CDCA7L: variants seen among roughly 807,000 people sequenced by gnomAD.
CDCA7L encodes cell division cycle associated 7 like, also known as cell division cycle-associated 7-like protein.
Under a neutral mutation model 57.4 loss-of-function variants are expected in CDCA7L, and 44 were observed. That is an observed-to-expected ratio of 0.77 (90% confidence interval 0.60 to 0.98). The LOEUF (loss-of-function observed/expected upper bound fraction) is 0.98. Among genes scored for constraint, CDCA7L ranks in the 50% least tolerant of loss-of-function variants. The pLI, the probability that CDCA7L is intolerant of heterozygous loss-of-function variation, is 0.00. For missense variants in CDCA7L, 644 were observed against 580.6 expected, an observed-to-expected ratio of 1.11 and a Z score of -1.12; for synonymous variants, 236 against 202.8, an observed-to-expected ratio of 1.16 and a Z score of -1.39.
At chr7:21,929,885 A>G (rs928620649) in intron 1 of CDCA7L, among the ~76,000 whole-genome samples, 6 of 152,046 alleles carry the variant, frequency 3.9e-5, no homozygotes, top group East Asian at 1.9e-4. Context: ...AGACTTTAAC[A>G]CGCCACTGTC....
intron 8 of CDCA7L, 181 bp downstream of exon 8, chr7:21,903,929 T>A (rs991295536): frequency 2.0e-6 from 1 of 509,796 alleles, no homozygotes. Context: ...ACTGGTCAGC[T>A]TGCTCTCCTT....
At chr7:21,902,583 TTACATAAATGAAACTTG>T in intron 9 of CDCA7L, 2 of 447,486 alleles carry the variant, frequency 4.5e-6, no homozygotes, top group South Asian at 5.8e-5. Flanking sequence ...AGTTTATTAA[TTACATAAATGAAACTTG>T]TAACTCACAT....
chr7:21,930,251 T>C (rs1019542147), intron 1 of CDCA7L, among the ~76,000 whole-genome samples: 1 of 152,038 alleles, frequency 6.6e-6, no homozygotes, highest in Non-Finnish European at 1.5e-5. Context: ...CAGAAATAAA[T>C]AAGTTCTTTG....
intron 3 of CDCA7L, among the ~76,000 whole-genome samples, chr7:21,910,070 T>C (rs1262238919): frequency 6.6e-6 from 1 of 152,166 alleles, no homozygotes; most frequent in Non-Finnish European, 1.5e-5. Flanking sequence ...TCATGATCTA[T>C]GTAACTACAT....
intron 3 of CDCA7L, among the ~76,000 whole-genome samples, chr7:21,910,871 T>C (rs1042722067): frequency 6.6e-6 from 1 of 152,090 alleles, no homozygotes; most frequent in Non-Finnish European, 1.5e-5. Flanking sequence ...ACCAAGTTTG[T>C]ACCACAGCCA....
In CDCA7L at chr7:21,901,124, A is replaced by C; in HGVS notation, c.*1198T>G. 6.2e-7 allele frequency: 1 copy of C among 1,613,382 alleles called. No individual in the cohort carries two copies. The highest frequency in any genetic ancestry group is 8.5e-7 in the Non-Finnish European group (1 of 1,179,456). Reference sequence around the variant, plus strand: ...CCCGTGGACAGACAAGAAACCAAACAGACCTACGAGTGCCCTGTGTATAGA... The same window carrying C: ...CCCGTGGACAGACAAGAAACCAAACCGACCTACGAGTGCCCTGTGTATAGA... On this transcript the variant is annotated 3_prime_UTR_variant, in exon 10 of 10. Coordinates refer to ENST00000406877, the MANE Select transcript of CDCA7L (RefSeq NM_018719.5).
rs778954486 is a variant in CDCA7L, at chr7:21,901,229, G to A, written c.*1093C>T. The A allele has an allele frequency of 6.2e-7, 1 of 1,609,832 alleles. No homozygotes were observed. The highest frequency in any genetic ancestry group is 8.5e-7 in the Non-Finnish European group (1 of 1,177,978). On this transcript the variant is annotated 3_prime_UTR_variant, in exon 10 of 10. Transcript: ENST00000406877. ...AAGACTGCAAAATGGGTTCTGGCTG[G>A]AGTGGCTCTGCTTCTAGAAGCGTAA... is the stretch of plus-strand genomic sequence containing the variant.
At chr7:21,937,148 A>G (rs374015726) in intron 1 of CDCA7L, among the ~76,000 whole-genome samples, 36 of 152,366 alleles carry the variant, frequency 2.4e-4, no homozygotes, top group African/African-American at 7.7e-4. Flanking sequence ...ATCAAGGAAG[A>G]CAAGGAAATG....
In CDCA7L at chr7:21,902,173, A is replaced by G; in HGVS notation, c.*149T>C. 1 of 774,346 alleles carries G rather than the reference A, an allele frequency of 1.3e-6. No individual in the cohort carries two copies. Among genetic ancestry groups the G allele is most frequent in the Non-Finnish European group, 2.2e-6 (1 of 454,480 alleles). The allele number at this position is 774,346 out of a possible 1,614,324, so 48.0% of individuals were successfully genotyped here. Reference sequence around the variant, plus strand: ...CTTCCTGAGAAATCTTTGTAAGCATATAAACAATCTTTAACAAAAAATAGT... The same window carrying G: ...CTTCCTGAGAAATCTTTGTAAGCATGTAAACAATCTTTAACAAAAAATAGT... On this transcript the variant is annotated 3_prime_UTR_variant, in exon 10 of 10. Coordinates refer to ENST00000406877, the MANE Select transcript of CDCA7L (RefSeq NM_018719.5).
rs1328908026 is a variant in CDCA7L at position 21,904,279 on chromosome 7, A to G, written c.1048-20T>C. 1.3e-6 allele frequency: 2 copies of G among 1,581,872 alleles called. No homozygotes were observed. Among genetic ancestry groups the G allele is most frequent in the Admixed American group, 1.8e-5 (1 of 55,652 alleles). ...GTTACCCTACAGGGGGAAGGCAGTG[A>G]GCAGGTGAACACAGGGATATGCTGA... On this transcript the variant is annotated intron_variant, in intron 7 of 9. Transcript: ENST00000406877.
intron 3 of CDCA7L, among the ~76,000 whole-genome samples, chr7:21,910,456 G>C (rs1326117349): frequency 2.6e-5 from 4 of 152,208 alleles, no homozygotes; most frequent in Non-Finnish European, 5.9e-5. Flanking sequence ...TAGGACAAGT[G>C]AGGGACATGG....
rs1784832605 is a variant in CDCA7L, at chr7:21,901,362, G to A, written c.*960C>T. 5.1e-6 allele frequency: 7 copies of A among 1,372,064 alleles called. No individual in the cohort carries two copies. The highest frequency in any genetic ancestry group is 1.5e-5 in the African/African-American group (1 of 68,782). 85.0% of individuals were successfully genotyped at this position (1,372,064 alleles called of 1,614,324 possible). The stretch of plus-strand genomic sequence containing the variant: ...ATTCTAACTTTTTAGTAACTCACAC[G>A]TGCATTCTTTTTTCAACGCTATCCT... On this transcript the variant is annotated 3_prime_UTR_variant, in exon 10 of 10. Transcript: ENST00000406877.
Position 21,945,762 on chromosome 7 carries a change from C to T in CDCA7L, c.24+19G>A, listed in dbSNP as rs1786505757. ...AACTGTGGGTGCGTCCGGACGGCGG[C>T]GGGCGGCCGGACCCTCACCTGGTAG... On this transcript the variant is annotated intron_variant, in intron 1 of 9. Transcript: ENST00000406877. 6.3e-7 allele frequency: 1 copy of T among 1,598,674 alleles called. No individual in the cohort carries two copies. The highest frequency in any genetic ancestry group is 1.4e-5 in the African/African-American group (1 of 73,036).
At position 21,900,917 on chromosome 7, in the gene CDCA7L, T is replaced by C; in HGVS notation, c.*1405A>G. ...GCAAAAATATGACAAAACCAGAATG[T>C]TGAATGTTTATTGCATCAAACAACT... is the stretch of plus-strand genomic sequence containing the variant. On this transcript the variant is annotated 3_prime_UTR_variant, in exon 10 of 10. Transcript: ENST00000406877. 2.1e-6 allele frequency: 3 copies of C among 1,456,658 alleles called. No homozygotes were observed. The highest frequency in any genetic ancestry group is 2.7e-6 in the Non-Finnish European group (3 of 1,105,076). 90.2% of individuals were successfully genotyped at this position (1,456,658 alleles called of 1,614,324 possible).
In CDCA7L at chr7:21,906,416, A is replaced by G. The variant is rs749671239; in HGVS notation, c.794T>C (p.Ile265Thr). ...CCGGGTTGGGTTCATACGCCGCGTG[A>G]TCTGTCCCTCCGAGAAGGCCCGCCT... The part of the protein sequence containing the change: ...TVRRAFSEGQ[I>T]TRRMNPTRSA... The change falls in exon 6 of 10, where the codon ATC (isoleucine) becomes ACC (threonine). Residue 265 changes from isoleucine to threonine, a missense_variant. Ile to Thr is a moderately conservative substitution (Grantham distance 89). Transcript: ENST00000406877. 7.9e-5 allele frequency: 128 copies of G among 1,612,288 alleles called. No homozygotes were observed. The highest frequency in any genetic ancestry group is 1.0e-4 in the Non-Finnish European group (122 of 1,178,996).
intron 9 of CDCA7L, 120 bp from the exon 10 acceptor site, chr7:21,902,472 C>G (rs1033063431): frequency 3.1e-6 from 3 of 954,876 alleles, no homozygotes; most frequent in South Asian, 1.4e-5. Context: ...TCCTGACACT[C>G]GAAATCCTGA....
At chr7:21,902,597 C>A in intron 9 of CDCA7L, 1 of 485,228 alleles carries the variant, frequency 2.1e-6, no homozygotes, top group Non-Finnish European at 3.6e-6. Flanking sequence ...ATAAATGAAA[C>A]TTGTAACTCA....
At chr7:21,941,912 T>C (rs763229900) in intron 1 of CDCA7L, among the ~76,000 whole-genome samples, 10 of 152,214 alleles carry the variant, frequency 6.6e-5, no homozygotes, top group Non-Finnish European at 1.3e-4. Flanking sequence ...TCTTAAGGTC[T>C]CCCTCTACTC....
chr7:21,903,211 CAACCTTT>C, intron 8 of CDCA7L, 97 bp from the exon 9 acceptor site: 1 of 1,196,524 alleles, frequency 8.4e-7, no homozygotes, highest in Non-Finnish European at 1.2e-6. Context: ...GCCTCTCCTC[CAACCTTT>C]AATCACATGG....
Sources: gnomAD v4.1 joint callset for allele counts (sites outside exome capture counted in the v4.1 genomes callset) on GRCh38, gnomAD v4.1.1 for gene constraint, MANE v1.5 for transcripts, NCBI Gene and HGNC (gene_info 2026-07-23, HGNC 2026-07-21) for gene names.